The following MEI4 variants were observed in gnomAD, a reference collection of about 807,000 sequenced individuals.
MEI4 encodes the protein meiosis-specific protein MEI4.
Under a neutral mutation model 31.4 loss-of-function variants are expected in MEI4, and 27 were observed. That is an observed-to-expected ratio of 0.86 (90% CI 0.63 to 1.19). MEI4 has a LOEUF of 1.19. Ranked by LOEUF, MEI4 falls within the 50% of genes most tolerant of loss-of-function variation. MEI4 has a pLI of 0.00. For missense variants in MEI4, 329 were observed against 398.9 expected (o/e 0.82, Z 1.49); for synonymous variants, 122 against 145.4 (o/e 0.84, Z 1.16).
intron 4 of MEI4, among the ~76,000 whole-genome samples, chr6:77,867,301 G>C (rs1484866832): frequency 2.6e-5 from 4 of 152,150 alleles, no homozygotes; most frequent in Non-Finnish European, 5.9e-5. Flanking sequence ...TACAGAATGG[G>C]AGAAAATTTT....
chr6:77,808,076 G>T (rs1054864260), intron 3 of MEI4, among the ~76,000 whole-genome samples: 15 of 152,122 alleles, frequency 9.9e-5, no homozygotes, highest in Non-Finnish European at 1.5e-4. Flanking sequence ...GTGATTGCCT[G>T]GGCCAGTTCT....
chr6:77,810,082 T>G (rs899569932), intron 3 of MEI4, among the ~76,000 whole-genome samples: 14 of 152,332 alleles, frequency 9.2e-5, no homozygotes, highest in African/African-American at 3.4e-4. Flanking sequence ...TGAAGTAAGC[T>G]AAATCAATGC....
intron 3 of MEI4, among the ~76,000 whole-genome samples, chr6:77,768,435 C>A (rs796392773): frequency 6.6e-6 from 1 of 152,102 alleles, no homozygotes; most frequent in East Asian, 1.9e-4. Context: ...TGCGGTGGCT[C>A]ACGCCTGTAA....
intron 3 of MEI4, among the ~76,000 whole-genome samples, chr6:77,790,648 A>G (rs1768896078): frequency 6.6e-6 from 1 of 152,170 alleles, no homozygotes; most frequent in Non-Finnish European, 1.5e-5. Context: ...TTATGTTTAG[A>G]GAACTGAAAG....
chr6:77,748,647 C>T (rs1377616032), intron 2 of MEI4, among the ~76,000 whole-genome samples: 4 of 152,324 alleles, frequency 2.6e-5, no homozygotes, highest in Middle Eastern at 6.8e-3. Flanking sequence ...TAACATTAGA[C>T]TCCTCATTAT....
At chr6:77,683,594 C>T (rs1399062619) in intron 1 of MEI4, among the ~76,000 whole-genome samples, 2 of 152,086 alleles carry the variant, frequency 1.3e-5, no homozygotes, top group African/African-American at 2.4e-5. Context: ...ACCATTCTAT[C>T]TCTGTCTCTA....
rs542077447 is a variant in MEI4, at chr6:77,760,251, TATATG to T, written c.233-874_233-870del. Among the ~76,000 whole-genome samples, 576 of 152,046 alleles carry T rather than the reference TATATG, an allele frequency of 3.8e-3. 3 individuals are homozygous for T. Among genetic ancestry groups the T allele is most frequent in the African/African-American group, 0.013 (558 of 41,508 alleles). On this transcript the variant is annotated intron_variant, in intron 2 of 4. Transcript: ENST00000684080. ...ATATACACACATATATATACACACA[TATATG>T]ATATACATATACAGAGATATGTAGA...
intron 4 of MEI4, among the ~76,000 whole-genome samples, chr6:77,870,888 G>A (rs949805645): frequency 6.6e-6 from 1 of 152,146 alleles, no homozygotes; most frequent in Non-Finnish European, 1.5e-5. Flanking sequence ...GACTACTGAA[G>A]TACAGTTGTT....
At chr6:77,822,419 A>C (rs990490183) in intron 3 of MEI4, among the ~76,000 whole-genome samples, 1 of 152,166 alleles carries the variant, frequency 6.6e-6, no homozygotes, top group Admixed American at 6.5e-5. Flanking sequence ...AATATTAACC[A>C]GTTTTGTGTC....
intron 4 of MEI4, among the ~76,000 whole-genome samples, chr6:77,845,079 A>C (rs755181956): frequency 6.6e-6 from 1 of 152,004 alleles, no homozygotes; most frequent in Non-Finnish European, 1.5e-5. Context: ...TAGCTTGCCT[A>C]CTGGTGGTGA....
intron 4 of MEI4, among the ~76,000 whole-genome samples, chr6:77,830,956 T>C (rs1468397606): frequency 2.6e-5 from 4 of 151,812 alleles, no homozygotes; most frequent in Non-Finnish European, 4.4e-5. Flanking sequence ...ATTAGCCAAG[T>C]GAAGAGACAA....
At chr6:77,877,307 T>C (rs1221065377) in intron 4 of MEI4, among the ~76,000 whole-genome samples, 1 of 152,028 alleles carries the variant, frequency 6.6e-6, no homozygotes, top group Non-Finnish European at 1.5e-5. Context: ...TGTTTACATA[T>C]GATTGTTTAT....
At chr6:77,737,676 G>T (rs1316819055) in intron 2 of MEI4, among the ~76,000 whole-genome samples, 1 of 152,166 alleles carries the variant, frequency 6.6e-6, no homozygotes, top group African/African-American at 2.4e-5. Flanking sequence ...GGGAGTGGGA[G>T]TGAGGAGAGC....
chr6:77,694,075 GC>G (rs1239387920), intron 2 of MEI4, among the ~76,000 whole-genome samples: 1 of 151,802 alleles, frequency 6.6e-6, no homozygotes, highest in Non-Finnish European at 1.5e-5. Flanking sequence ...AGTATGATAT[GC>G]TTTTTCTTTC....
chr6:77,734,125 C>G (rs1767103951), intron 2 of MEI4, among the ~76,000 whole-genome samples: 1 of 151,904 alleles, frequency 6.6e-6, no homozygotes, highest in Non-Finnish European at 1.5e-5. Context: ...GTGGAGAGTT[C>G]TGTAGATGTC....
chr6:77,816,261 TA>T (rs1359160730), intron 3 of MEI4, among the ~76,000 whole-genome samples: 1 of 152,144 alleles, frequency 6.6e-6, no homozygotes, highest in East Asian at 1.9e-4. Flanking sequence ...ATTTGCTATT[TA>T]AAACATCATT....
Position 77,684,319 on chromosome 6 carries a change from A to C in MEI4, c.-14-6339A>C, listed in dbSNP as rs977682429. Among the ~76,000 whole-genome samples the C allele has an allele frequency of 3.9e-5, 6 of 152,182 alleles. No homozygotes were observed. The East Asian group carries it at 1.2e-3, about 29-fold the overall frequency. The stretch of plus-strand genomic sequence containing the variant: ...ATGAGATACTTTGATACAGGAATGC[A>C]ATGTGAAATAACCACATTATGGAGA... On this transcript the variant is annotated intron_variant, in intron 1 of 4. Transcript: ENST00000684080.
chr6:77,663,718 T>G (rs954067483), intron 1 of MEI4, among the ~76,000 whole-genome samples: 13 of 152,190 alleles, frequency 8.5e-5, no homozygotes, highest in African/African-American at 3.1e-4. Flanking sequence ...TCCGTATTGA[T>G]TAAGAAGGGG....
chr6:77,713,625 T>C (rs1278574699), intron 2 of MEI4, among the ~76,000 whole-genome samples: 2 of 152,226 alleles, frequency 1.3e-5, no homozygotes, highest in African/African-American at 2.4e-5. Flanking sequence ...GAATAAATTG[T>C]TCAGAAAATG....
Sources: allele counts gnomAD v4.1 joint callset (sites outside exome capture counted in the v4.1 genomes callset), GRCh38; gene constraint gnomAD v4.1.1; transcripts MANE v1.5; gene names NCBI Gene and HGNC (gene_info 2026-07-23, HGNC 2026-07-21).